The following MBD5 variants were observed in gnomAD, a reference collection of about 807,000 sequenced individuals.
MBD5 encodes methyl-CpG-binding domain protein 5.
In MBD5, 13 loss-of-function variants were observed where a neutral mutation model predicts 117.3. The observed-to-expected ratio is 0.11, with a 90% CI of 0.07 to 0.18. The LOEUF (loss-of-function observed/expected upper bound fraction) is 0.18, where lower values mean the gene tolerates loss of function less well. MBD5 is among the 10% of genes least tolerant of loss of function. The probability of loss-of-function intolerance (pLI) is 1.00; values close to 1 mark genes in which losing one functional copy is unlikely to be tolerated. For synonymous variants in MBD5, 727 were observed against 766.4 expected, an observed-to-expected ratio of 0.95 and a Z score of 0.85; for missense variants, 1,879 against 2,093.8, an observed-to-expected ratio of 0.90 and a Z score of 2.00.
intron 3 of MBD5, among the ~76,000 whole-genome samples, chr2:148,250,088 T>C (rs1263327970): frequency 2.0e-5 from 3 of 152,190 alleles, no homozygotes; most frequent in Non-Finnish European, 4.4e-5. Context: ...AAAGAATATG[T>C]TCTCATTTGG....
At position 148,412,268 on chromosome 2, in the gene MBD5, C is replaced by CTTT. The variant is rs1191831742; in HGVS notation, c.-556-45932_-556-45930dup. ...TTGGTTACTGTAGCCTTGTAGTATA[C>CTTT]TTTTTGTGTGTGTGTGTGTGTGTGT... On this transcript the variant is annotated intron_variant, in intron 4 of 13. Transcript: ENST00000642680. Among the ~76,000 whole-genome samples the CTTT allele has an allele frequency of 2.7e-3, 253 of 93,078 alleles. 1 individual carries two copies. Among genetic ancestry groups the CTTT allele is most frequent in the African/African-American group, 0.013 (241 of 18,556 alleles). 61.1% of individuals were successfully genotyped at this position (93,078 alleles called of 152,430 possible).
At chr2:148,434,796 T>A (rs895709072) in intron 4 of MBD5, among the ~76,000 whole-genome samples, 5 of 152,134 alleles carry the variant, frequency 3.3e-5, no homozygotes, top group African/African-American at 7.2e-5. Context: ...CAGTTCAAGT[T>A]CTGAATATCA....
intron 1 of MBD5, chr2:148,041,328 G>T (rs2105681249): frequency 6.6e-6 from 1 of 152,266 alleles, no homozygotes; most frequent in East Asian, 1.9e-4. Context: ...GGTGACTTCT[G>T]GATCCTCAGC....
In MBD5 at chr2:148,322,277, A is replaced by G. The variant is rs527256023; in HGVS notation, c.-679-19937A>G. On this transcript the variant is annotated intron_variant, in intron 3 of 13. Coordinates refer to ENST00000642680, the MANE Select transcript of MBD5 (RefSeq NM_001378120.1). ...AACTAAGCTTTTAGCTTCATTTATA[A>G]CGTTCAAGTCTAAAGTAGAATGTTG... Among the ~76,000 whole-genome samples, 3 of 152,350 alleles carry G rather than the reference A, an allele frequency of 2.0e-5. No individual in the cohort carries two copies. The South Asian group carries it at 6.2e-4, about 32-fold the overall frequency.
rs756629472 is a variant in MBD5, at chr2:148,489,986, C to A, written c.4354C>A (p.Pro1452Thr). 2.5e-6 allele frequency: 4 copies of A among 1,613,982 alleles called. No individual in the cohort carries two copies. Among genetic ancestry groups the A allele is most frequent in the Non-Finnish European group, 3.4e-6 (4 of 1,180,000 alleles). The change falls in exon 11 of 14, where the codon CCA (proline) becomes ACA (threonine). Residue 1452 changes from proline (P) to threonine (T), a missense_variant. Physicochemically the swap from Pro to Thr is conservative, Grantham distance 38. This residue lies in a region of MBD5 where 1,666 missense variants were observed against 1,792.2 expected (regional missense o/e 0.93). Coordinates refer to ENST00000642680, the MANE Select transcript of MBD5 (RefSeq NM_001378120.1). ...RWKYEEFLDH[P>T]GHIHSSPCHE... ...GAAGTACGAGGAATTTTTAGATCAT[C>A]CAGGCCATATCCACAGTAGTCCTTG...
chr2:148,381,930 G>T (rs1316143451), intron 4 of MBD5, among the ~76,000 whole-genome samples: 5 of 152,056 alleles, frequency 3.3e-5, no homozygotes, highest in Non-Finnish European at 7.4e-5. Context: ...TCACCACCAG[G>T]CCTGCCCTAA....
In MBD5 at chr2:148,405,343, G is replaced by A. The variant is rs116674616; in HGVS notation, c.-556-52860G>A. Among the ~76,000 whole-genome samples, 1,307 of 152,238 alleles carry A rather than the reference G, an allele frequency of 8.6e-3. 23 individuals are homozygous for A. The highest frequency in any genetic ancestry group is 0.03 in the African/African-American group (1,259 of 41,530). ...GCTAAAACAGTAACGAGTACTACAC[G>A]AGTGCTGAGAATAAGTCTGCTTACT... On this transcript the variant is annotated intron_variant, in intron 4 of 13. Coordinates refer to ENST00000642680, the MANE Select transcript of MBD5 (RefSeq NM_001378120.1).
chr2:148,266,030 GAA>G (rs1314712484), intron 3 of MBD5, among the ~76,000 whole-genome samples: 1 of 152,076 alleles, frequency 6.6e-6, no homozygotes, highest in Non-Finnish European at 1.5e-5. Context: ...AGTGTTTCAA[GAA>G]AAGAGGGAAA....
chr2:148,246,653 A>G (rs1368294892), intron 3 of MBD5, among the ~76,000 whole-genome samples: 1 of 150,580 alleles, frequency 6.6e-6, no homozygotes, highest in Admixed American at 6.7e-5. Context: ...AATCCCAGCT[A>G]CTCAGGAGGC....
chr2:148,442,943 C>A (rs997331914), intron 4 of MBD5, among the ~76,000 whole-genome samples: 2 of 151,334 alleles, frequency 1.3e-5, no homozygotes, highest in African/African-American at 4.9e-5. Context: ...AAACAATCAA[C>A]AAAGTGAAGA....
At chr2:148,253,968 C>T (rs1262952651) in intron 3 of MBD5, among the ~76,000 whole-genome samples, 1 of 152,204 alleles carries the variant, frequency 6.6e-6, no homozygotes, top group Non-Finnish European at 1.5e-5. Context: ...GACTAAAGCA[C>T]AGCCATTTCC....
At chr2:148,391,183 G>A (rs1704560569) in intron 4 of MBD5, among the ~76,000 whole-genome samples, 1 of 152,130 alleles carries the variant, frequency 6.6e-6, no homozygotes. Context: ...ATTTAATCAA[G>A]TCGTATTTCA....
intron 11 of MBD5, among the ~76,000 whole-genome samples, chr2:148,493,215 G>GA (rs1218182705): frequency 1.3e-5 from 2 of 152,056 alleles, no homozygotes; most frequent in Non-Finnish European, 2.9e-5. Context: ...CGTCTAGGAA[G>GA]AAAAAAATTG....
chr2:148,457,829 T>A (rs1400551324), intron 4 of MBD5, among the ~76,000 whole-genome samples: 1 of 152,178 alleles, frequency 6.6e-6, no homozygotes, highest in Non-Finnish European at 1.5e-5. Context: ...CTTATTAAAA[T>A]ATGGTTGGAT....
chr2:148,074,754 G>A (rs1324271921), intron 1 of MBD5, among the ~76,000 whole-genome samples: 3 of 151,840 alleles, frequency 2.0e-5, no homozygotes, highest in Non-Finnish European at 4.4e-5. Flanking sequence ...CACCCACCTC[G>A]GCCTCCCAAA....
intron 1 of MBD5, among the ~76,000 whole-genome samples, chr2:148,089,366 C>T (rs1695878838): frequency 6.6e-6 from 1 of 152,022 alleles, no homozygotes; most frequent in African/African-American, 2.4e-5. Context: ...ATTTGCAGAA[C>T]ATTATACCTA....
At chr2:148,325,297 T>C (rs572959163) in intron 3 of MBD5, among the ~76,000 whole-genome samples, 1 of 152,288 alleles carries the variant, frequency 6.6e-6, no homozygotes, top group South Asian at 2.1e-4. Flanking sequence ...TAAAATTCTC[T>C]TTTTTGGTTG....
intron 11 of MBD5, among the ~76,000 whole-genome samples, chr2:148,502,131 C>T (rs1374159161): frequency 1.3e-5 from 2 of 152,188 alleles, no homozygotes; most frequent in Non-Finnish European, 2.9e-5. Flanking sequence ...GAACCAGGAT[C>T]TCTGATTTTT....
chr2:148,318,811 C>T (rs1204475251), intron 3 of MBD5, among the ~76,000 whole-genome samples: 2 of 152,178 alleles, frequency 1.3e-5, no homozygotes, highest in South Asian at 2.1e-4. Flanking sequence ...CTGCCTCCTG[C>T]GTTCAAGTGT....
Sources: gnomAD v4.1 joint callset for allele counts (sites outside exome capture counted in the v4.1 genomes callset) on GRCh38, gnomAD v4.1.1 for gene constraint, gnomAD v4.1.1 regional missense constraint, MANE v1.5 for transcripts, NCBI Gene and HGNC (gene_info 2026-07-23, HGNC 2026-07-21) for gene names.